The following RBM25 variants were observed in gnomAD, a reference collection of about 807,000 sequenced individuals.
The protein encoded by RBM25 is RNA-binding protein 25.
Under a neutral mutation model 120.7 loss-of-function variants are expected in RBM25, and 19 were observed. The ratio of observed to expected loss-of-function variants is 0.16; its 90% CI spans 0.11 to 0.23. The LOEUF (loss-of-function observed/expected upper bound fraction) is 0.23. Ranked by LOEUF, RBM25 falls within the 10% of genes least tolerant of loss-of-function variation. RBM25 has a pLI of 1.00. For missense variants in RBM25, 605 were observed against 1,041.5 expected, an observed-to-expected ratio of 0.58 and a Z score of 5.77; for synonymous variants, 390 against 326.7, an observed-to-expected ratio of 1.19 and a Z score of -2.09.
chr14:73,108,707 A>G (rs1449914351), intron 13 of RBM25, among the ~76,000 whole-genome samples: 1 of 152,248 alleles, frequency 6.6e-6, no homozygotes, highest in Non-Finnish European at 1.5e-5. Context: ...GTTAAATTTA[A>G]TACAGTATAG....
intron 6 of RBM25, chr14:73,088,523 CT>C: frequency 5.0e-6 from 2 of 397,922 alleles, no homozygotes; most frequent in South Asian, 1.9e-5. Context: ...TAGTTTCCCT[CT>C]CTTTTAGAAG....
chr14:73,095,139 C>T (rs1045168746), intron 6 of RBM25, among the ~76,000 whole-genome samples: 1 of 152,046 alleles, frequency 6.6e-6, no homozygotes, highest in Admixed American at 6.6e-5. Flanking sequence ...AGGCGTGAGC[C>T]ACCGAGCCCT....
intron 2 of RBM25, among the ~76,000 whole-genome samples, chr14:73,074,319 A>G (rs906112862): frequency 6.6e-6 from 1 of 152,124 alleles, no homozygotes; most frequent in Non-Finnish European, 1.5e-5. Flanking sequence ...TCCTGGACTC[A>G]ACTGATCCTC....
chr14:73,060,242 T>A (rs1320404847), intron 1 of RBM25, among the ~76,000 whole-genome samples: 1 of 151,342 alleles, frequency 6.6e-6, no homozygotes, highest in Non-Finnish European at 1.5e-5. Context: ...TTTCACTATG[T>A]TGGCCAGAAT....
At chr14:73,069,477 T>C (rs1895222585) in intron 1 of RBM25, among the ~76,000 whole-genome samples, 1 of 151,650 alleles carries the variant, frequency 6.6e-6, no homozygotes, top group Non-Finnish European at 1.5e-5. Flanking sequence ...GGAATTTTGC[T>C]CTTGTTGTCC....
chr14:73,096,839 A>C, intron 6 of RBM25, 76 bp from the exon 7 acceptor site: 1 of 1,294,214 alleles, frequency 7.7e-7, no homozygotes, highest in Non-Finnish European at 1.1e-6. Flanking sequence ...ATGTATGTTT[A>C]TTAACTCTTG....
rs528033386 is a variant in RBM25 at position 73,105,922 on chromosome 14, G to A, written c.1218G>A (p.Glu406=). Reference sequence around the variant, plus strand: ...AAAGAGAGAGAGAGAGAGAACGAGAGCGAGAACGAGAACGGGAGCGAGAGA... The same window carrying A: ...AAAGAGAGAGAGAGAGAGAACGAGAACGAGAACGAGAACGGGAGCGAGAGA... The part of the protein sequence containing the change: ...ERERERERER[E]RERERERERE... The change falls in exon 11 of 19, where the codon GAG becomes GAA. Residue 406 remains glutamate, a synonymous_variant. Coordinates refer to ENST00000261973, the MANE Select transcript of RBM25 (RefSeq NM_021239.3). 1 of 1,612,266 alleles carries A rather than the reference G, an allele frequency of 6.2e-7. No individual in the cohort carries two copies. Among genetic ancestry groups the A allele is most frequent in the African/African-American group, 1.3e-5 (1 of 74,900 alleles).
chr14:73,076,368 T>C lies in RBM25; in HGVS notation c.156T>C (p.Thr52=), dbSNP rs1278619585. ...VPMSIMAPAP[T]VLVPTVSMVG... is the part of the protein sequence containing the mutation. The stretch of plus-strand genomic sequence containing the variant: ...TGAGCATTATGGCTCCTGCTCCAAC[T>C]GTAAGTATAACTTAAAGGAGGAATC... Residue 52 remains threonine (T), a splice_region_variant and synonymous_variant, in exon 3 of 19, where the codon ACT becomes ACC. Transcript: ENST00000261973. 2 of 1,609,036 alleles carry C rather than the reference T, an allele frequency of 1.2e-6. No individual in the cohort carries two copies. The highest frequency in any genetic ancestry group is 1.7e-6 in the Non-Finnish European group (2 of 1,175,896).
intron 17 of RBM25, 33 bp from the exon 18 acceptor site, chr14:73,114,253 A>T (rs756075636): frequency 2.1e-6 from 3 of 1,443,120 alleles, no homozygotes; most frequent in South Asian, 2.8e-5. Flanking sequence ...TTTTTTATTT[A>T]TTTTTAATGT....
intron 6 of RBM25, among the ~76,000 whole-genome samples, chr14:73,092,152 T>C (rs1224051092): frequency 2.0e-5 from 3 of 151,890 alleles, no homozygotes; most frequent in Non-Finnish European, 4.4e-5. Flanking sequence ...TAAGCAAATA[T>C]TACTATATAG....
rs550271121 is a variant in RBM25 at position 73,114,242 on chromosome 14, A to G, written c.2392-44A>G. 5.8e-6 allele frequency: 8 copies of G among 1,386,582 alleles called. No individual in the cohort carries two copies. The African/African-American group carries it at 1.2e-4, about 21-fold the overall frequency. The allele number at this position is 1,386,582 out of a possible 1,614,324, so 85.9% of individuals were successfully genotyped here. A position where few individuals can be genotyped will look rare whatever the true frequency, so the allele number is the denominator to read the frequency against. ...TTAAAATTTCTTGACTGTATTGTTA[A>G]TTTTTTATTTATTTTTAATGTGACA... On this transcript the variant is annotated intron_variant, in intron 17 of 18. Coordinates refer to ENST00000261973, the MANE Select transcript of RBM25 (RefSeq NM_021239.3).
Position 73,106,235 on chromosome 14 carries a change from C to T in RBM25, c.1417C>T (p.Arg473Trp). 2 of 1,592,016 alleles carry T rather than the reference C, an allele frequency of 1.3e-6. No individual in the cohort carries two copies. The highest frequency in any genetic ancestry group is 1.7e-6 in the Non-Finnish European group (2 of 1,171,264). The change falls in exon 12 of 19, where the codon CGG becomes TGG. Residue 473 changes from arginine (R) to tryptophan (W), a missense_variant. Physicochemically the swap from Arg to Trp is moderately radical, Grantham distance 101 (BLOSUM62 -3). Transcript: ENST00000261973. Reference protein sequence around the residue: ...NWEIRERKKTREYEKEAEREE... With the variant: ...NWEIRERKKTWEYEKEAEREE... ...GGAAATCAGAGAACGAAAGAAAACC[C>T]GGGAATATGAGAAAGAAGCTGAAAG...
At chr14:73,099,472 A>C (rs778022657) in intron 8 of RBM25, 39 bp downstream of exon 8, 13 of 1,597,664 alleles carry the variant, frequency 8.1e-6, no homozygotes, top group Non-Finnish European at 1.0e-5. Flanking sequence ...ACCTGTGTTT[A>C]CTGCTGATTG....
intron 17 of RBM25, 97 bp from the exon 18 acceptor site, chr14:73,114,189 T>G: frequency 1.2e-6 from 1 of 843,554 alleles, no homozygotes; most frequent in Non-Finnish European, 1.8e-6. Context: ...CCGCAAGAAG[T>G]TCCTGTATGA....
intron 18 of RBM25, 140 bp from the exon 19 acceptor site, chr14:73,119,572 CA>C (rs1454078537): frequency 1.4e-6 from 2 of 1,454,296 alleles, no homozygotes; most frequent in African/African-American, 1.4e-5. Flanking sequence ...GCCACTAAAA[CA>C]ACCTTAAAAT....
chr14:73,103,948 T>TCTCTCTCTCTCACACACA (rs1594928335), intron 10 of RBM25, among the ~76,000 whole-genome samples: 5 of 91,420 alleles, frequency 5.5e-5, no homozygotes, highest in Non-Finnish European at 7.3e-5. Context: ...TCTCTCTCTC[T>TCTCTCTCTCTCACACACA]CACACACACA....
intron 7 of RBM25, 148 bp downstream of exon 7, chr14:73,097,248 T>A (rs1432340720): frequency 1.8e-6 from 1 of 559,208 alleles, no homozygotes; most frequent in Non-Finnish European, 2.7e-6. Context: ...TCTCCCAGGC[T>A]GGAATGCAGT....
chr14:73,117,681 C>T lies in RBM25; in HGVS notation c.2440-2032C>T, dbSNP rs150277403. On this transcript the variant is annotated intron_variant, in intron 18 of 18. Transcript: ENST00000261973. ...CTTTAGAGGTGAGGGAACTGAGGCT[C>T]AGGTTAAGTAACCCAACCAAGGACC... Among the ~76,000 whole-genome samples, 711 of 152,306 alleles carry T rather than the reference C, an allele frequency of 4.7e-3. 3 individuals carry two copies. Among genetic ancestry groups the T allele is most frequent in the Non-Finnish European group, 8.4e-3 (568 of 68,018 alleles).
intron 5 of RBM25, among the ~76,000 whole-genome samples, chr14:73,085,642 T>C (rs904834703): frequency 1.1e-4 from 17 of 151,738 alleles, no homozygotes; most frequent in African/African-American, 4.1e-4. Flanking sequence ...AGGCGGGATT[T>C]TGCCCTGGTT....
Sources: gnomAD v4.1 joint callset for allele counts (sites outside exome capture counted in the v4.1 genomes callset) on GRCh38, gnomAD v4.1.1 for gene constraint, MANE v1.5 for transcripts, NCBI Gene and HGNC (gene_info 2026-07-23, HGNC 2026-07-21) for gene names.